The following HPSE2 variants were observed in gnomAD, a reference collection of about 807,000 sequenced individuals.
HPSE2 encodes the protein inactive heparanase-2.
Under a neutral mutation model 60.5 loss-of-function variants are expected in HPSE2, and 38 were observed. The observed-to-expected ratio is 0.63, with a 90% CI of 0.48 to 0.82. The LOEUF (loss-of-function observed/expected upper bound fraction) is 0.82. Among genes scored for constraint, HPSE2 ranks in the 40% least tolerant of loss-of-function variants. HPSE2 has a pLI of 0.00. For missense variants in HPSE2, 713 were observed against 740.4 expected, an observed-to-expected ratio of 0.96 and a Z score of 0.43; for synonymous variants, 295 against 293.2, an observed-to-expected ratio of 1.01 and a Z score of -0.06.
chr10:98,734,089 T>C (rs1212611050), intron 4 of HPSE2, among the ~76,000 whole-genome samples: 2 of 152,232 alleles, frequency 1.3e-5, no homozygotes, highest in East Asian at 1.9e-4. Flanking sequence ...GGACATTTCA[T>C]ATAAGGGGAA....
chr10:98,751,315 G>T (rs1410595263), intron 3 of HPSE2, among the ~76,000 whole-genome samples: 1 of 152,060 alleles, frequency 6.6e-6, no homozygotes, highest in Non-Finnish European at 1.5e-5. Flanking sequence ...AGCAACAACT[G>T]TTACCTGGGA....
intron 2 of HPSE2, among the ~76,000 whole-genome samples, chr10:99,220,271 A>T (rs895409816): frequency 2.0e-5 from 3 of 152,090 alleles, no homozygotes; most frequent in African/African-American, 7.2e-5. Flanking sequence ...ACAAACAGAT[A>T]ACTTCTTGTT....
chr10:98,796,459 AG>A (rs1950782655), intron 3 of HPSE2, among the ~76,000 whole-genome samples: 2 of 152,310 alleles, frequency 1.3e-5, no homozygotes, highest in South Asian at 2.1e-4. Flanking sequence ...CGGAGAGAAG[AG>A]TGGGAAGGAC....
At chr10:98,704,486 C>A (rs1948494738) in intron 5 of HPSE2, among the ~76,000 whole-genome samples, 1 of 151,944 alleles carries the variant, frequency 6.6e-6, no homozygotes, top group Non-Finnish European at 1.5e-5. Context: ...AAGCTAGAGG[C>A]ATCATGCTAC....
intron 7 of HPSE2, among the ~76,000 whole-genome samples, chr10:98,634,030 C>A (rs1946432637): frequency 6.6e-6 from 1 of 152,184 alleles, no homozygotes; most frequent in Non-Finnish European, 1.5e-5. Context: ...TAAATAGATA[C>A]ACTGAAGATA....
chr10:98,801,601 A>C (rs1201644139), intron 3 of HPSE2, among the ~76,000 whole-genome samples: 1 of 152,160 alleles, frequency 6.6e-6, no homozygotes, highest in Non-Finnish European at 1.5e-5. Context: ...CATGTACATT[A>C]GCCACAAATA....
intron 9 of HPSE2, among the ~76,000 whole-genome samples, chr10:98,545,309 C>T (rs1252275227): frequency 6.6e-6 from 1 of 152,042 alleles, no homozygotes; most frequent in Non-Finnish European, 1.5e-5. Flanking sequence ...TTTTATGAGG[C>T]CAGCATCATC....
chr10:99,290,062 C>T, the HPSE2 span, among the ~76,000 whole-genome samples: 1 of 151,962 alleles, frequency 6.6e-6, no homozygotes, highest in Non-Finnish European at 1.5e-5. Flanking sequence ...CCCCTCCCCG[C>T]CCACTTATAG....
chr10:98,727,135 GACAGACT>G (rs1949106083), intron 4 of HPSE2, among the ~76,000 whole-genome samples: 1 of 152,108 alleles, frequency 6.6e-6, no homozygotes, highest in Non-Finnish European at 1.5e-5. Flanking sequence ...ACTCAAGGGA[GACAGACT>G]CTATAGAGTT....
intron 4 of HPSE2, among the ~76,000 whole-genome samples, chr10:98,723,766 T>C (rs1255882378): frequency 2.0e-5 from 3 of 152,206 alleles, no homozygotes; most frequent in Non-Finnish European, 4.4e-5. Flanking sequence ...GTGTTTATAG[T>C]ATTCTCTGAT....
chr10:99,161,296 A>T (rs1846834534), intron 2 of HPSE2, among the ~76,000 whole-genome samples: 2 of 152,172 alleles, frequency 1.3e-5, no homozygotes, highest in Non-Finnish European at 2.9e-5. Flanking sequence ...CAACAGCCCA[A>T]ATGTCCAGAA....
intron 2 of HPSE2, among the ~76,000 whole-genome samples, chr10:99,171,282 T>C (rs143225321): frequency 1.2e-3 from 183 of 152,338 alleles, no homozygotes; most frequent in African/African-American, 4.3e-3. Flanking sequence ...CTTGGTGGAA[T>C]TCACACATTG....
At chr10:98,527,361 T>C (rs1327852560) in intron 9 of HPSE2, among the ~76,000 whole-genome samples, 1 of 152,218 alleles carries the variant, frequency 6.6e-6, no homozygotes, top group African/African-American at 2.4e-5. Context: ...CCGCACACTC[T>C]GCATGATCTG....
chr10:98,577,236 T>C (rs1423873706), intron 9 of HPSE2, among the ~76,000 whole-genome samples: 1 of 152,150 alleles, frequency 6.6e-6, no homozygotes, highest in Non-Finnish European at 1.5e-5. Context: ...AATATGATTT[T>C]ACTGTCTCAG....
chr10:99,106,219 A>G (rs1000170556), intron 3 of HPSE2, among the ~76,000 whole-genome samples: 6 of 150,948 alleles, frequency 4.0e-5, no homozygotes, highest in African/African-American at 1.5e-4. Context: ...TCTTAACAAT[A>G]TTGAGTTCTC....
At chr10:99,154,630 A>C (rs1024530463) in intron 2 of HPSE2, among the ~76,000 whole-genome samples, 18 of 151,884 alleles carry the variant, frequency 1.2e-4, no homozygotes, top group Non-Finnish European at 2.6e-4. Flanking sequence ...AACAACCGGT[A>C]CCAGCCGCTG....
At chr10:98,607,452 C>G (rs951612312) in intron 9 of HPSE2, among the ~76,000 whole-genome samples, 1 of 152,142 alleles carries the variant, frequency 6.6e-6, no homozygotes, top group Non-Finnish European at 1.5e-5. Flanking sequence ...TGTCACATAT[C>G]ATGGTTTCCA....
chr10:98,743,076 G>T (rs1426490357), intron 4 of HPSE2, among the ~76,000 whole-genome samples: 1 of 149,554 alleles, frequency 6.7e-6, no homozygotes, highest in Non-Finnish European at 1.5e-5. Flanking sequence ...GGGTTCAAGC[G>T]ATTCTCCTGC....
intron 3 of HPSE2, among the ~76,000 whole-genome samples, chr10:98,753,683 G>A (rs1241962881): frequency 1.3e-5 from 2 of 152,174 alleles, no homozygotes; most frequent in Non-Finnish European, 2.9e-5. Context: ...GGGGGCCGGA[G>A]GACAAAGCCT....
Sources: allele counts gnomAD v4.1 joint callset (sites outside exome capture counted in the v4.1 genomes callset), GRCh38; gene constraint gnomAD v4.1.1; transcripts MANE v1.5; gene names NCBI Gene and HGNC (gene_info 2026-07-23, HGNC 2026-07-21).